The following FAM53B variants were observed in gnomAD, a reference collection of about 807,000 sequenced individuals.
The protein encoded by FAM53B is family with sequence similarity 53 member B.
A neutral mutation model predicts 32.7 loss-of-function variants in FAM53B; 12 were observed. That is an observed-to-expected ratio of 0.37 (90% CI 0.24 to 0.59). The LOEUF (loss-of-function observed/expected upper bound fraction) is 0.59, where lower values mean the gene tolerates loss of function less well. Ranked by LOEUF, FAM53B falls within the 20% of genes least tolerant of loss-of-function variation. FAM53B has a pLI of 0.72. For missense variants in FAM53B, 477 were observed against 577.7 expected, an observed-to-expected ratio of 0.83 and a Z score of 1.79; for synonymous variants, 234 against 228.7, an observed-to-expected ratio of 1.02 and a Z score of -0.21.
rs1357660061 is a variant in FAM53B, at chr10:124,620,009, G to C, written c.*3233C>G. On this transcript the variant is annotated 3_prime_UTR_variant, in exon 5 of 5. Coordinates refer to ENST00000337318, the MANE Select transcript of FAM53B (RefSeq NM_014661.4). ...GGCCACTCACGCCCCCGCACCAGGAGACCCATTTGGAAGTTAGTTAGGGTT... is the reference window on the plus strand; with the variant it reads ...GGCCACTCACGCCCCCGCACCAGGACACCCATTTGGAAGTTAGTTAGGGTT... 1 of 152,410 alleles carries C rather than the reference G, an allele frequency of 6.6e-6. No individual in the cohort carries two copies. The highest frequency in any genetic ancestry group is 2.4e-5 in the African/African-American group (1 of 41,468). 9.4% of individuals were successfully genotyped at this position (152,410 alleles called of 1,614,324 possible).
chr10:124,633,529 C>T (rs1024256924), intron 4 of FAM53B, among the ~76,000 whole-genome samples: 13 of 152,122 alleles, frequency 8.5e-5, no homozygotes, highest in African/African-American at 3.1e-4. Context: ...CTAGACTAGC[C>T]CGTACCATAT....
At chr10:124,631,080 G>A (rs1444687036) in intron 4 of FAM53B, among the ~76,000 whole-genome samples, 1 of 152,212 alleles carries the variant, frequency 6.6e-6, no homozygotes, top group Non-Finnish European at 1.5e-5. Flanking sequence ...CTTCGGGAAG[G>A]GTGGCACCAG....
intron 4 of FAM53B, among the ~76,000 whole-genome samples, chr10:124,656,330 G>C (rs1250797642): frequency 6.6e-6 from 1 of 152,268 alleles, no homozygotes; most frequent in Non-Finnish European, 1.5e-5. Flanking sequence ...GAGAGCCAAA[G>C]GCTCCAGGGA....
At chr10:124,627,097 A>G (rs1392726183) in intron 4 of FAM53B, among the ~76,000 whole-genome samples, 1 of 152,250 alleles carries the variant, frequency 6.6e-6, no homozygotes, top group Non-Finnish European at 1.5e-5. Flanking sequence ...CAGCCATTTC[A>G]GCCACAGTAA....
At chr10:124,667,068 C>T (rs1589743978) in intron 4 of FAM53B, 1 of 327,524 alleles carries the variant, frequency 3.1e-6, no homozygotes, top group East Asian at 7.4e-5. Context: ...ACCCCAAAGC[C>T]CCACTCAGCA....
chr10:124,654,171 G>A (rs374809935), intron 4 of FAM53B, among the ~76,000 whole-genome samples: 1 of 152,276 alleles, frequency 6.6e-6, no homozygotes, highest in African/African-American at 2.4e-5. Context: ...TAATTAGGAA[G>A]CATTGTGAGA....
intron 1 of FAM53B, among the ~76,000 whole-genome samples, chr10:124,728,107 T>G (rs1272606689): frequency 6.6e-6 from 1 of 152,228 alleles, no homozygotes; most frequent in East Asian, 1.9e-4. Context: ...ATGGACTCGC[T>G]TGGCTTCGCG....
At chr10:124,655,332 G>T (rs907121551) in intron 4 of FAM53B, among the ~76,000 whole-genome samples, 3 of 152,120 alleles carry the variant, frequency 2.0e-5, no homozygotes, top group Admixed American at 6.5e-5. Flanking sequence ...CATGAATTCA[G>T]GTGTCAGGAC....
chr10:124,711,915 T>C (rs77863645), intron 1 of FAM53B, among the ~76,000 whole-genome samples: 1 of 150,708 alleles, frequency 6.6e-6, no homozygotes, highest in Non-Finnish European at 1.5e-5. Context: ...AAAAAAAAAA[T>C]AGCCAGGCGT....
intron 3 of FAM53B, among the ~76,000 whole-genome samples, chr10:124,694,309 C>A (rs1255024320): frequency 1.3e-5 from 2 of 152,218 alleles, no homozygotes; most frequent in African/African-American, 2.4e-5. Context: ...CCATGGCCTC[C>A]CCGGTAGAAA....
chr10:124,679,303 T>C (rs1039851704), intron 4 of FAM53B, among the ~76,000 whole-genome samples: 6 of 152,200 alleles, frequency 3.9e-5, no homozygotes, highest in African/African-American at 1.4e-4. Context: ...GGCTGGGGTC[T>C]GTGGCCAGTG....
At chr10:124,645,773 C>A (rs1949508878) in intron 4 of FAM53B, among the ~76,000 whole-genome samples, 1 of 152,200 alleles carries the variant, frequency 6.6e-6, no homozygotes, top group Non-Finnish European at 1.5e-5. Context: ...ATGTGACCAT[C>A]CTTCCCAGCT....
chr10:124,689,275 G>A (rs922499661), intron 3 of FAM53B, among the ~76,000 whole-genome samples: 1 of 152,160 alleles, frequency 6.6e-6, no homozygotes, highest in Non-Finnish European at 1.5e-5. Context: ...TGGGGGTGGG[G>A]GGGACACAAG....
rs371098914 is a variant in FAM53B at position 124,696,072 on chromosome 10, A to G, written c.133+86T>C. The stretch of plus-strand genomic sequence containing the variant: ...GCTCTTTTTGAACTTGTGTCCAGAA[A>G]GTGCTTTGAGTGTCTCACCTGGAGG... On this transcript the variant is annotated intron_variant, in intron 3 of 4. Transcript: ENST00000337318. 680 of 1,062,952 alleles carry G rather than the reference A, an allele frequency of 6.4e-4. 14 individuals carry two copies. The South Asian group carries it at 8.4e-3, about 13-fold the overall frequency. 65.8% of individuals were successfully genotyped at this position (1,062,952 alleles called of 1,614,324 possible).
rs78747712 is a variant in FAM53B, at chr10:124,633,338, A to G, written c.907-9734T>C. Among the ~76,000 whole-genome samples the G allele has an allele frequency of 3.6e-4, 55 of 152,292 alleles. 1 individual carries two copies. The East Asian group carries it at 0.01, about 29-fold the overall frequency. On this transcript the variant is annotated intron_variant, in intron 4 of 4. Transcript: ENST00000337318. ...GAGGGATAGGAAGACTCAACCTCAAAAAGGTGTAAATTCTCCCTAAATTAA... is the reference window on the plus strand; with the variant it reads ...GAGGGATAGGAAGACTCAACCTCAAGAAGGTGTAAATTCTCCCTAAATTAA...
At chr10:124,658,596 A>C (rs541300631) in intron 4 of FAM53B, among the ~76,000 whole-genome samples, 1 of 152,370 alleles carries the variant, frequency 6.6e-6, no homozygotes, top group Non-Finnish European at 1.5e-5. Context: ...CATCCATACA[A>C]GTCCTGGAGA....
At chr10:124,672,591 G>A (rs1416251604) in intron 4 of FAM53B, among the ~76,000 whole-genome samples, 1 of 152,246 alleles carries the variant, frequency 6.6e-6, no homozygotes, top group East Asian at 1.9e-4. Flanking sequence ...ACAAGATCCA[G>A]CGTGACAAGC....
intron 4 of FAM53B, among the ~76,000 whole-genome samples, chr10:124,657,910 G>A (rs1246614542): frequency 1.3e-5 from 2 of 152,210 alleles, no homozygotes; most frequent in Admixed American, 6.5e-5. Context: ...CTTGCAGCCA[G>A]CCTACTCCAC....
chr10:124,726,586 T>C (rs1019121793), intron 1 of FAM53B, among the ~76,000 whole-genome samples: 1 of 152,162 alleles, frequency 6.6e-6, no homozygotes, highest in South Asian at 2.1e-4. Flanking sequence ...CCATTTGGAA[T>C]GACACTAAGA....
Sources: gnomAD v4.1 joint callset for allele counts (sites outside exome capture counted in the v4.1 genomes callset) on GRCh38, gnomAD v4.1.1 for gene constraint, MANE v1.5 for transcripts, NCBI Gene and HGNC (gene_info 2026-07-23, HGNC 2026-07-21) for gene names.